The following TNNI3K variants were observed in gnomAD, a reference collection of about 807,000 sequenced individuals.
TNNI3K encodes TNNI3 interacting kinase.
A neutral mutation model predicts 114.5 loss-of-function variants in TNNI3K; 140 were observed. The observed-to-expected ratio is 1.22, with a 90% CI of 1.07 to 1.41. TNNI3K has a LOEUF of 1.41. Among genes scored for constraint, TNNI3K ranks in the 40% most tolerant of loss-of-function variants. The probability of loss-of-function intolerance (pLI) is 0.00; values close to 1 mark genes in which losing one functional copy is unlikely to be tolerated. For missense variants in TNNI3K, 1,125 were observed against 1,007.6 expected (o/e 1.12, Z -1.58); for synonymous variants, 347 against 347.5 (o/e 1.00, Z 0.02).
At chr1:74,497,785 A>C (rs1206493670) in intron 23 of TNNI3K, among the ~76,000 whole-genome samples, 1 of 152,168 alleles carries the variant, frequency 6.6e-6, no homozygotes, top group Non-Finnish European at 1.5e-5. Flanking sequence ...TTCTAATTAT[A>C]TTATTTGCAT....
At chr1:74,530,153 C>T (rs1485592660) in intron 23 of TNNI3K, among the ~76,000 whole-genome samples, 1 of 152,136 alleles carries the variant, frequency 6.6e-6, no homozygotes, top group Non-Finnish European at 1.5e-5. Flanking sequence ...TTTCTATTTA[C>T]CCCAGAGGGT....
intron 23 of TNNI3K, among the ~76,000 whole-genome samples, chr1:74,494,907 A>G (rs1271479923): frequency 6.6e-6 from 1 of 152,120 alleles, no homozygotes; most frequent in Non-Finnish European, 1.5e-5. Flanking sequence ...CACAGAATTT[A>G]CAATACACGG....
At chr1:74,524,451 T>A (rs1173750279) in intron 23 of TNNI3K, among the ~76,000 whole-genome samples, 2 of 152,174 alleles carry the variant, frequency 1.3e-5, no homozygotes, top group East Asian at 3.9e-4. Context: ...TAGGGCCAAC[T>A]GGTGACTAAC....
chr1:74,365,358 A>G (rs1353326433), intron 11 of TNNI3K, among the ~76,000 whole-genome samples: 1 of 152,080 alleles, frequency 6.6e-6, no homozygotes, highest in African/African-American at 2.4e-5. Flanking sequence ...AGTCGCAGTC[A>G]AAGTGCAGAT....
chr1:74,327,014 G>A lies in TNNI3K; in HGVS notation c.445-4436G>A, dbSNP rs534280482. 4.0e-3 allele frequency among the ~76,000 whole-genome samples: 603 copies of A among 151,570 alleles called. 2 individuals carry two copies. Among genetic ancestry groups the A allele is most frequent in the Middle Eastern group, 0.02 (6 of 294 alleles). On this transcript the variant is annotated intron_variant, in intron 5 of 24. Transcript: ENST00000326637. ...GAGAATTGCTTAAACCTGGGAGGTG[G>A]AGGTTGCAGTGAGCCGAGATTGCGC...
intron 20 of TNNI3K, among the ~76,000 whole-genome samples, chr1:74,445,817 A>G (rs1350629659): frequency 6.6e-6 from 1 of 151,650 alleles, no homozygotes; most frequent in Non-Finnish European, 1.5e-5. Flanking sequence ...TCACCATTTT[A>G]GCCAGGATGG....
intron 17 of TNNI3K, among the ~76,000 whole-genome samples, chr1:74,382,341 G>C (rs1226482665): frequency 6.6e-6 from 1 of 152,106 alleles, no homozygotes; most frequent in Admixed American, 6.6e-5. Flanking sequence ...GATTAATAAG[G>C]GTACCAGGAC....
intron 17 of TNNI3K, among the ~76,000 whole-genome samples, chr1:74,406,239 G>A (rs919929407): frequency 6.6e-6 from 1 of 152,160 alleles, no homozygotes; most frequent in African/African-American, 2.4e-5. Flanking sequence ...CAGCCCACAG[G>A]CTGTGTGTGG....
chr1:74,511,341 C>T (rs978223171), intron 23 of TNNI3K, among the ~76,000 whole-genome samples: 32 of 152,100 alleles, frequency 2.1e-4, no homozygotes, highest in Admixed American at 1.8e-3. Flanking sequence ...TACAGGCACA[C>T]GTCACTACAC....
chr1:74,510,940 T>C (rs973871636), intron 23 of TNNI3K, among the ~76,000 whole-genome samples: 2 of 152,200 alleles, frequency 1.3e-5, no homozygotes, highest in African/African-American at 4.8e-5. Flanking sequence ...CAGGCTGGAG[T>C]ACAATGGTGC....
intron 23 of TNNI3K, among the ~76,000 whole-genome samples, chr1:74,538,258 G>C (rs1291098068): frequency 6.6e-6 from 1 of 152,120 alleles, no homozygotes; most frequent in African/African-American, 2.4e-5. Flanking sequence ...ACCCAAGTAG[G>C]GCTATAGAGG....
At chr1:74,398,224 A>C (rs1385451501) in intron 17 of TNNI3K, among the ~76,000 whole-genome samples, 1 of 152,188 alleles carries the variant, frequency 6.6e-6, no homozygotes. Context: ...CTAATTTTCT[A>C]AAAAGGAGGA....
intron 17 of TNNI3K, among the ~76,000 whole-genome samples, chr1:74,390,953 A>G (rs912461062): frequency 2.3e-5 from 2 of 88,064 alleles, no homozygotes; most frequent in African/African-American, 9.2e-5. Context: ...TGAAAAAAAT[A>G]TATTTTTTTC....
chr1:74,446,726 A>G (rs1666704589), intron 20 of TNNI3K, among the ~76,000 whole-genome samples: 1 of 143,682 alleles, frequency 7.0e-6, no homozygotes, highest in Admixed American at 7.0e-5. Context: ...TATAAGGTGT[A>G]AGGAAGGGAT....
Position 74,439,608 on chromosome 1 carries a change from C to T in TNNI3K, c.1997C>T (p.Ala666Val), listed in dbSNP as rs775710384. Residue 666 changes from alanine to valine, a missense_variant, in exon 20 of 25, where the codon GCT (alanine) becomes GTT (valine). By Grantham distance (64) the Ala-to-Val change is moderately conservative. Coordinates refer to ENST00000326637, the MANE Select transcript of TNNI3K (RefSeq NM_015978.3). The part of the protein sequence containing the change: ...WEILTGEIPF[A>V]HLKPAAAAAD... Reference sequence around the variant, plus strand: ...ATTCTCACTGGCGAAATTCCATTCGCTCATCTCAAGCCAGGTAAGACACAC... The same window carrying T: ...ATTCTCACTGGCGAAATTCCATTCGTTCATCTCAAGCCAGGTAAGACACAC... 6.2e-7 allele frequency: 1 copy of T among 1,613,396 alleles called. No homozygotes were observed. The highest frequency in any genetic ancestry group is 8.5e-7 in the Non-Finnish European group (1 of 1,179,550).
intron 4 of TNNI3K, among the ~76,000 whole-genome samples, chr1:74,267,155 C>G (rs72673204): frequency 9.1e-4 from 138 of 151,956 alleles, no homozygotes; most frequent in Middle Eastern, 6.8e-3. Context: ...AAAAACATTG[C>G]CATTAGACAT....
intron 17 of TNNI3K, among the ~76,000 whole-genome samples, chr1:74,428,195 G>A (rs1665725371): frequency 6.6e-6 from 1 of 152,058 alleles, no homozygotes; most frequent in Non-Finnish European, 1.5e-5. Context: ...ATGTTTAGAA[G>A]TCATGATAGG....
At chr1:74,384,589 C>T (rs570600738) in intron 17 of TNNI3K, among the ~76,000 whole-genome samples, 109 of 152,254 alleles carry the variant, frequency 7.2e-4, no homozygotes, top group South Asian at 1.2e-3. Context: ...TGCAGCATTT[C>T]TATGCCTGAC....
chr1:74,293,247 T>G (rs976045519), intron 5 of TNNI3K, among the ~76,000 whole-genome samples: 2 of 151,666 alleles, frequency 1.3e-5, no homozygotes, highest in Admixed American at 6.6e-5. Flanking sequence ...CCATCTTGTC[T>G]TACGTCAAAT....
Sources: allele counts gnomAD v4.1 joint callset (sites outside exome capture counted in the v4.1 genomes callset), GRCh38; gene constraint gnomAD v4.1.1; transcripts MANE v1.5; gene names NCBI Gene and HGNC (gene_info 2026-07-23, HGNC 2026-07-21).